Variants in VPS13A observed in about 807,000 individuals in gnomAD.
VPS13A encodes the protein vacuolar protein sorting 13 homolog A.
In VPS13A, 264 loss-of-function variants were observed where a neutral mutation model predicts 390.9. The observed-to-expected ratio is 0.68, with a 90% CI of 0.61 to 0.75. The LOEUF (loss-of-function observed/expected upper bound fraction) is 0.75. VPS13A is among the 30% of genes least tolerant of loss of function. The pLI is 0.00. For synonymous variants in VPS13A, 1,231 were observed against 1,227.1 expected (o/e 1.00, Z -0.07); for missense variants, 3,409 against 3,733.9 (o/e 0.91, Z 2.27).
chr9:77,259,098 T>A (rs1190874387), intron 22 of VPS13A, among the ~76,000 whole-genome samples: 1 of 152,170 alleles, frequency 6.6e-6, no homozygotes, highest in Non-Finnish European at 1.5e-5. Context: ...GTTATTTGGT[T>A]TCTATTTTAT....
At chr9:77,266,392 G>T (rs1826037691) in intron 23 of VPS13A, among the ~76,000 whole-genome samples, 1 of 152,098 alleles carries the variant, frequency 6.6e-6, no homozygotes, top group African/African-American at 2.4e-5. Flanking sequence ...TGACAGTGGG[G>T]TGTTAAAGTC....
At chr9:77,406,551 G>A (rs1394488284) in intron 70 of VPS13A, among the ~76,000 whole-genome samples, 3 of 152,038 alleles carry the variant, frequency 2.0e-5, no homozygotes, top group Non-Finnish European at 4.4e-5. Flanking sequence ...CTGAGTAGCT[G>A]GGATTACAGG....
chr9:77,198,042 T>A (rs965289631), intron 1 of VPS13A, among the ~76,000 whole-genome samples: 7 of 152,194 alleles, frequency 4.6e-5, no homozygotes, highest in Non-Finnish European at 1.0e-4. Context: ...AATATATGTA[T>A]CCACTGTTAA....
chr9:77,216,092 G>A (rs1389209650), intron 10 of VPS13A, among the ~76,000 whole-genome samples: 1 of 152,154 alleles, frequency 6.6e-6, no homozygotes, highest in Non-Finnish European at 1.5e-5. Flanking sequence ...CTGGAACCAG[G>A]CAGCATAACT....
At chr9:77,364,611 G>A (rs975740181) in intron 59 of VPS13A, among the ~76,000 whole-genome samples, 2 of 152,194 alleles carry the variant, frequency 1.3e-5, no homozygotes, top group Non-Finnish European at 2.9e-5. Flanking sequence ...GTGTTCTTGG[G>A]TATACTAGTC....
At chr9:77,252,388 C>G (rs1407647770) in intron 22 of VPS13A, 36 bp downstream of exon 22, 1 of 1,513,620 alleles carries the variant, frequency 6.6e-7, no homozygotes, top group Admixed American at 1.7e-5. Flanking sequence ...TATGGATTTT[C>G]TGGGTAATTC....
chr9:77,413,078 G>A (rs1835012626), intron 71 of VPS13A, among the ~76,000 whole-genome samples: 1 of 152,136 alleles, frequency 6.6e-6, no homozygotes, highest in Non-Finnish European at 1.5e-5. Flanking sequence ...ACAAACCACT[G>A]CTCAGTGAAA....
rs184906014 is a variant in VPS13A at position 77,363,027 on chromosome 9, A to G, written c.8211+2386A>G. Among the ~76,000 whole-genome samples, 18 of 152,202 alleles carry G rather than the reference A, an allele frequency of 1.2e-4. No homozygotes were observed. The East Asian group carries it at 3.3e-3, about 28-fold the overall frequency. On this transcript the variant is annotated intron_variant, in intron 59 of 71. Coordinates refer to ENST00000360280, the MANE Select transcript of VPS13A (RefSeq NM_033305.3). ...TTCCGTATATTCTTTTGGGATTTCT[A>G]TACATAAGATCGTGTCATCTGAGAG...
rs1835286924 is a variant in VPS13A, at chr9:77,419,714, A to C, written c.*3708A>C. On this transcript the variant is annotated 3_prime_UTR_variant, in exon 72 of 72. Coordinates refer to ENST00000360280, the MANE Select transcript of VPS13A (RefSeq NM_033305.3). Reference sequence around the variant, plus strand: ...CAAAAAAGGCCATAGTCTTTTGTTTACCTAGATGTATTTTAACCTCTTTAC... The same window carrying C: ...CAAAAAAGGCCATAGTCTTTTGTTTCCCTAGATGTATTTTAACCTCTTTAC... 6.6e-6 allele frequency: 1 copy of C among 152,240 alleles called. No individual in the cohort carries two copies. The highest frequency in any genetic ancestry group is 2.4e-5 in the African/African-American group (1 of 41,472). 9.4% of individuals were successfully genotyped at this position (152,240 alleles called of 1,614,324 possible). A position where few individuals can be genotyped will look rare whatever the true frequency, so the allele number is the denominator to read the frequency against.
intron 46 of VPS13A, among the ~76,000 whole-genome samples, chr9:77,336,026 A>G (rs937437751): frequency 1.4e-4 from 21 of 152,224 alleles, no homozygotes; most frequent in Admixed American, 1.2e-3. Flanking sequence ...CTACGCAGCC[A>G]TAGAAAAGAA....
chr9:77,405,565 G>A (rs1277160729), intron 69 of VPS13A, among the ~76,000 whole-genome samples: 1 of 152,008 alleles, frequency 6.6e-6, no homozygotes, highest in South Asian at 2.1e-4. Flanking sequence ...TTCTTATTCT[G>A]TTCAAAATAT....
In VPS13A at chr9:77,247,177, T is replaced by A. The variant is rs192405247; in HGVS notation, c.1901-82T>A. 68 of 1,152,384 alleles carry A rather than the reference T, an allele frequency of 5.9e-5. No homozygotes were observed. In the African/African-American group the frequency reaches 9.2e-4, roughly 16 times the overall value. 71.4% of individuals were successfully genotyped at this position (1,152,384 alleles called of 1,614,324 possible). Reference sequence around the variant, plus strand: ...TACTAATTTTACATTAAGATTGTTTTATCAGTTCATATATTTAGTGATTCT... The same window carrying A: ...TACTAATTTTACATTAAGATTGTTTAATCAGTTCATATATTTAGTGATTCT... On this transcript the variant is annotated intron_variant, in intron 19 of 71. Transcript: ENST00000360280.
intron 68 of VPS13A, among the ~76,000 whole-genome samples, chr9:77,385,827 A>T (rs534748146): frequency 6.6e-6 from 1 of 152,216 alleles, no homozygotes; most frequent in East Asian, 1.9e-4. Flanking sequence ...TCTAATTCTT[A>T]GGTTTATCAA....
chr9:77,225,451 G>T (rs2131192267), intron 13 of VPS13A, among the ~76,000 whole-genome samples: 1 of 152,164 alleles, frequency 6.6e-6, no homozygotes, highest in South Asian at 2.1e-4. Context: ...TTGCAGTGTT[G>T]CCCAGGCTGG....
At chr9:77,220,414 A>C in intron 12 of VPS13A, 31 bp downstream of exon 12, 1 of 1,264,642 alleles carries the variant, frequency 7.9e-7, no homozygotes. Flanking sequence ...TTTTTTTTAG[A>C]TTTTAAAAAT....
intron 1 of VPS13A, among the ~76,000 whole-genome samples, chr9:77,185,902 G>A (rs1057030663): frequency 2.6e-5 from 4 of 152,238 alleles, no homozygotes; most frequent in South Asian, 2.1e-4. Context: ...TGAGGCTGGC[G>A]GATCATTTAA....
intron 19 of VPS13A, among the ~76,000 whole-genome samples, chr9:77,243,963 C>T (rs552361407): frequency 2.0e-5 from 3 of 152,212 alleles, no homozygotes; most frequent in South Asian, 2.1e-4. Flanking sequence ...AGAGGCCAAG[C>T]GCCATGGCTC....
chr9:77,339,368 T>G (rs1830695578), intron 47 of VPS13A, 148 bp from the exon 48 acceptor site: 1 of 738,398 alleles, frequency 1.4e-6, no homozygotes, highest in Non-Finnish European at 2.2e-6. Context: ...GTTGACAAAG[T>G]TAGAACTTGA....
intron 19 of VPS13A, among the ~76,000 whole-genome samples, chr9:77,241,264 C>T (rs1203456667): frequency 6.6e-6 from 1 of 152,090 alleles, no homozygotes. Flanking sequence ...AATTTATCTT[C>T]TCATTTACTG....
Sources: gnomAD v4.1 joint callset for allele counts (sites outside exome capture counted in the v4.1 genomes callset) on GRCh38, gnomAD v4.1.1 for gene constraint, MANE v1.5 for transcripts, NCBI Gene and HGNC (gene_info 2026-07-23, HGNC 2026-07-21) for gene names.